The following DDX60 variants were observed in gnomAD, a reference collection of about 807,000 sequenced individuals.
DDX60 encodes probable ATP-dependent RNA helicase DDX60.
In DDX60, 165 loss-of-function variants were observed where a neutral mutation model predicts 212.8. That is an observed-to-expected ratio of 0.78 (90% CI 0.68 to 0.88). The LOEUF (loss-of-function observed/expected upper bound fraction) is 0.88, where lower values mean the gene tolerates loss of function less well. Ranked by LOEUF, DDX60 falls within the 40% of genes least tolerant of loss-of-function variation. DDX60 has a pLI of 0.00. For synonymous variants in DDX60, 703 were observed against 685.3 expected (o/e 1.03, Z -0.40); for missense variants, 1,905 against 2,003.9 (o/e 0.95, Z 0.94).
intron 37 of DDX60, 42 bp from the exon 38 acceptor site, chr4:168,217,074 T>G (rs376016470): frequency 2.3e-6 from 3 of 1,300,452 alleles, no homozygotes; most frequent in Non-Finnish European, 3.2e-6. Flanking sequence ...TTTAGTGAGA[T>G]TGAATATTAT....
At chr4:168,252,718 T>C in intron 26 of DDX60, 62 bp from the exon 27 acceptor site, 1 of 1,404,612 alleles carries the variant, frequency 7.1e-7, no homozygotes, top group East Asian at 2.5e-5. Flanking sequence ...GTAATTAATT[T>C]GATTTGGCCA....
chr4:168,321,887 C>T (rs1737616112), upstream of DDX60, among the ~76,000 whole-genome samples: 1 of 152,112 alleles, frequency 6.6e-6, no homozygotes, highest in East Asian at 1.9e-4. Context: ...TCTAATTGAA[C>T]CTATTGAATT....
Position 168,246,558 on chromosome 4 carries a change from TA to T in DDX60, c.4023del (p.Asp1341GlufsTer7). 1 of 1,614,090 alleles carries T rather than the reference TA, an allele frequency of 6.2e-7. No individual in the cohort carries two copies. Among genetic ancestry groups the T allele is most frequent in the Non-Finnish European group, 8.5e-7 (1 of 1,179,996 alleles). ...QDLMGDVYFF[D>X]IPFPKIGKLI... ...AGTTTTCCTATTTTGGGGAATGGAA[TA>T]TCAAAGAAATATACATCTCCCATCA... On this transcript the variant is annotated frameshift_variant, in exon 30 of 38. Transcript: ENST00000393743. LOFTEE classifies it high-confidence loss of function.
At chr4:168,292,050 T>TTTCCTTTC (rs1491280498) in intron 7 of DDX60, 144 bp from the exon 8 acceptor site, 2 of 136,738 alleles carry the variant, frequency 1.5e-5, no homozygotes, top group African/African-American at 1.9e-4. Flanking sequence ...TCTTTCTTTC[T>TTTCCTTTC]TTTTTTTTTT....
chr4:168,248,287 C>A lies in DDX60; in HGVS notation c.3864G>T (p.Val1288=). The A allele has an allele frequency of 2.5e-6, 4 of 1,595,504 alleles. No homozygotes were observed. Among genetic ancestry groups the A allele is most frequent in the South Asian group, 2.3e-5 (2 of 87,106 alleles). ...ILFRKGYLRV[V]TATGTLALGV... The stretch of plus-strand genomic sequence containing the variant: ...CTAAAGCAAGTGTTCCAGTAGCTGT[C>A]ACCACCTTGAAAGAGAATAAAACAA... Residue 1288 remains valine, a synonymous_variant, in exon 29 of 38, where the codon GTG becomes GTT. Transcript: ENST00000393743.
intron 30 of DDX60, among the ~76,000 whole-genome samples, chr4:168,245,687 TA>T (rs1446260607): frequency 6.6e-6 from 1 of 152,144 alleles, no homozygotes; most frequent in African/African-American, 2.4e-5. Flanking sequence ...TTAATCACTA[TA>T]CAAAAACAGA....
chr4:168,287,628 A>G (rs1351115333), intron 9 of DDX60, among the ~76,000 whole-genome samples: 1 of 152,198 alleles, frequency 6.6e-6, no homozygotes, highest in Non-Finnish European at 1.5e-5. Context: ...TGAAGGAACC[A>G]CATCACTGTG....
At chr4:168,222,012 G>C in intron 35 of DDX60, 131 bp from the exon 36 acceptor site, 1 of 954,478 alleles carries the variant, frequency 1.0e-6, no homozygotes, top group Non-Finnish European at 1.5e-6. Context: ...GAAGTAAGAG[G>C]GTGCCTTAGC....
In DDX60 at chr4:168,280,592, TGCCCC is replaced by T. The variant is rs1285962027; in HGVS notation, c.1723-7_1723-3del. 1 of 1,602,684 alleles carries T rather than the reference TGCCCC, an allele frequency of 6.2e-7. No homozygotes were observed. The highest frequency in any genetic ancestry group is 1.7e-5 in the Admixed American group (1 of 57,514). ...AGCAATTATTTCAGCCTTGGTCTCC[TGCCCC>T]AAAGGAAAAAACATCTCTTAAGACA... is the stretch of plus-strand genomic sequence containing the variant. On this transcript the variant is annotated splice_region_variant and splice_polypyrimidine_tract_variant and intron_variant, in intron 13 of 37. Coordinates refer to ENST00000393743, the MANE Select transcript of DDX60 (RefSeq NM_017631.6).
chr4:168,274,762 TAAGA>T (rs58480651), intron 16 of DDX60, among the ~76,000 whole-genome samples: 48,574 of 151,718 alleles, frequency 0.32, 7,988 homozygotes, highest in African/African-American at 0.41. Flanking sequence ...CCCACCATCA[TAAGA>T]AAGATTCTGA....
rs1735782221 is a variant in DDX60 at position 168,285,436 on chromosome 4, T to G, written c.1402A>C (p.Lys468Gln). ...TCTTTCAAAATATCTCCAGCAAATT[T>G]ATCAACCACAAAAGATGACGTTGGA... ...FIPTSSFVVDKFAGDILKDLP... is the reference protein window; with the variant it reads ...FIPTSSFVVDQFAGDILKDLP... The change falls in exon 11 of 38, where the codon AAA becomes CAA. Residue 468 changes from lysine (K) to glutamine (Q), a missense_variant. Lys to Gln is a moderately conservative substitution (Grantham distance 53, BLOSUM62 1). Transcript: ENST00000393743. The G allele has an allele frequency of 6.2e-6, 10 of 1,611,970 alleles. No individual in the cohort carries two copies. The highest frequency in any genetic ancestry group is 8.5e-6 in the Non-Finnish European group (10 of 1,179,374).
chr4:168,252,289 C>T (rs970333859), intron 27 of DDX60, among the ~76,000 whole-genome samples: 2 of 152,218 alleles, frequency 1.3e-5, no homozygotes, highest in Non-Finnish European at 2.9e-5. Context: ...ACCTAGGAGA[C>T]TCCTCCATGA....
At chr4:168,279,255 TG>T (rs1335768001) in intron 14 of DDX60, among the ~76,000 whole-genome samples, 1 of 152,166 alleles carries the variant, frequency 6.6e-6, no homozygotes, top group Non-Finnish European at 1.5e-5. Flanking sequence ...TTCCCAGAAG[TG>T]AAAAAATACT....
chr4:168,321,001 G>GT (rs567681978), upstream of DDX60, among the ~76,000 whole-genome samples: 191 of 152,060 alleles, frequency 1.3e-3, no homozygotes, highest in Non-Finnish European at 2.4e-3. Flanking sequence ...AAATTATAAA[G>GT]TTTTTTAGAA....
upstream of DDX60, among the ~76,000 whole-genome samples, chr4:168,319,446 T>C (rs375635321): frequency 6.6e-6 from 1 of 152,224 alleles, no homozygotes; most frequent in Middle Eastern, 3.2e-3. Context: ...AAAGAAAGTA[T>C]GTAACAATAC....
intron 30 of DDX60, among the ~76,000 whole-genome samples, chr4:168,238,455 A>G (rs866253597): frequency 6.9e-5 from 8 of 116,432 alleles, no homozygotes; most frequent in Non-Finnish European, 1.1e-4. Context: ...AAGGGAAGGG[A>G]AGGGAAGGGA....
chr4:168,233,409 G>A (rs1359494986), intron 33 of DDX60, among the ~76,000 whole-genome samples: 1 of 152,008 alleles, frequency 6.6e-6, no homozygotes, highest in African/African-American at 2.4e-5. Context: ...ACTTGGACAT[G>A]CATGTTTACA....
Position 168,280,490 on chromosome 4 carries a change from A to G in DDX60, c.1823T>C (p.Ile608Thr). Reference sequence around the variant, plus strand: ...TAAATTTTCTTTCAATTGCTCTTCAATAGAAAATGACAAAGCATTCCACTT... The same window carrying G: ...TAAATTTTCTTTCAATTGCTCTTCAGTAGAAAATGACAAAGCATTCCACTT... ...EQKWNALSFS[I>T]EEQLKENLHS... is the part of the protein sequence containing the mutation. The change falls in exon 14 of 38, where the codon ATT (isoleucine) becomes ACT (threonine). Residue 608 changes from isoleucine (I) to threonine (T), a missense_variant. Transcript: ENST00000393743. The G allele has an allele frequency of 1.2e-6, 2 of 1,614,162 alleles. No homozygotes were observed. The highest frequency in any genetic ancestry group is 1.7e-6 in the Non-Finnish European group (2 of 1,180,012).
intron 33 of DDX60, 46 bp from the exon 34 acceptor site, chr4:168,225,722 T>G: frequency 6.4e-7 from 1 of 1,560,390 alleles, no homozygotes; most frequent in Non-Finnish European, 8.7e-7. Flanking sequence ...TTTACCTTCC[T>G]TCAAAACTGA....
Sources: gnomAD v4.1 joint callset for allele counts (sites outside exome capture counted in the v4.1 genomes callset) on GRCh38, gnomAD v4.1.1 for gene constraint, MANE v1.5 for transcripts, NCBI Gene and HGNC (gene_info 2026-07-23, HGNC 2026-07-21) for gene names.